Variants in ABCA7 observed in about 807,000 individuals in gnomAD.
The protein encoded by ABCA7 is phospholipid-transporting ATPase ABCA7.
In ABCA7, 261 loss-of-function variants were observed where a neutral mutation model predicts 227.6. The observed-to-expected ratio is 1.15, with a 90% CI of 1.04 to 1.27. The LOEUF (loss-of-function observed/expected upper bound fraction) is 1.27. Ranked by LOEUF, ABCA7 falls within the 50% of genes most tolerant of loss-of-function variation. The pLI is 0.00. For synonymous variants in ABCA7, 1,488 were observed against 1,279.7 expected, an observed-to-expected ratio of 1.16 and a Z score of -3.47; for missense variants, 3,331 against 2,924.5, an observed-to-expected ratio of 1.14 and a Z score of -3.21.
rs2144671149 is a variant in ABCA7 at position 1,041,841 on chromosome 19, A to G, written c.171A>G (p.Pro57=). 1 of 1,604,728 alleles carries G rather than the reference A, an allele frequency of 6.2e-7. No individual in the cohort carries two copies. Among genetic ancestry groups the G allele is most frequent in the African/African-American group, 1.3e-5 (1 of 75,052 alleles). Residue 57 remains proline (P), a synonymous_variant, in exon 4 of 47, where the codon CCA becomes CCG. Coordinates refer to ENST00000263094, the MANE Select transcript of ABCA7 (RefSeq NM_019112.4). ...PPLEHHECHF[P]NKPLPSAGTV... ...GGCGTCTCCCCGCAGGCCACTTCCC[A>G]AACAAGCCACTGCCATCGGCGGGCA... is the stretch of plus-strand genomic sequence containing the variant.
rs1377281532 is a variant in ABCA7 at position 1,049,381 on chromosome 19, C to T, written c.2496C>T (p.Tyr832=). 3.1e-6 allele frequency: 5 copies of T among 1,611,306 alleles called. No individual in the cohort carries two copies. The highest frequency in any genetic ancestry group is 2.5e-6 in the Non-Finnish European group (3 of 1,179,052). ...PALRGLSLDF[Y]QGHITAFLGH... The stretch of plus-strand genomic sequence containing the variant: ...TGCGGGGGCTCAGCCTGGACTTCTA[C>T]CAGGGCCACATCACCGCCTTCCTGG... Residue 832 remains tyrosine (Y), a synonymous_variant, in exon 18 of 47, where the codon TAC becomes TAT. Transcript: ENST00000263094.
rs1174118911 is a variant in ABCA7, at chr19:1,043,200, A to T, written c.739A>T (p.Met247Leu). 5.0e-6 allele frequency: 8 copies of T among 1,609,114 alleles called. No individual in the cohort carries two copies. The highest frequency in any genetic ancestry group is 1.3e-5 in the African/African-American group (1 of 75,010). Residue 247 changes from methionine to leucine, a missense_variant, in exon 8 of 47, where the codon ATG becomes TTG. Physicochemically the swap from Met to Leu is conservative, Grantham distance 15. Coordinates refer to ENST00000263094, the MANE Select transcript of ABCA7 (RefSeq NM_019112.4). Reference protein sequence around the residue: ...SLNWYEASDLMELVGQEPESA... With the variant: ...SLNWYEASDLLELVGQEPESA... ...CAACTGGTACGAGGCTAGTGACCTG[A>T]TGGAGCTGGTGGGGCAGGAGCCAGA...
rs2042826158 is a variant in ABCA7 at position 1,063,536 on chromosome 19, C to T, written c.5713-8C>T. 3.1e-6 allele frequency: 5 copies of T among 1,609,726 alleles called. No individual in the cohort carries two copies. Among genetic ancestry groups the T allele is most frequent in the Admixed American group, 3.3e-5 (2 of 59,970 alleles). ...AGTCCCCATGCCTACTCTGGCCCCA[C>T]CCCACAGACCGCTGGCTCGGGCCTG... On this transcript the variant is annotated splice_polypyrimidine_tract_variant and splice_region_variant and intron_variant, in intron 42 of 46. Transcript: ENST00000263094.
chr19:1,065,429 T>C lies in ABCA7; in HGVS notation c.*4T>C. On this transcript the variant is annotated 3_prime_UTR_variant, in exon 47 of 47. Transcript: ENST00000263094. ...CACTGCCGAGACTGTGCTCTGAGCC[T>C]CCCTCCCCTGCGGGGCCGCGGGGAG... The C allele has an allele frequency of 1.9e-6, 3 of 1,612,674 alleles. No homozygotes were observed. The highest frequency in any genetic ancestry group is 2.5e-6 in the Non-Finnish European group (3 of 1,179,660).
intron 35 of ABCA7, among the ~76,000 whole-genome samples, chr19:1,057,644 C>T (rs1032129728): frequency 3.9e-5 from 6 of 152,032 alleles, no homozygotes; most frequent in Admixed American, 1.3e-4. Context: ...GCAGCCCATG[C>T]CTGTAATTCC....
At chr19:1,044,936 G>C in intron 11 of ABCA7, 66 bp from the exon 12 acceptor site, 2 of 1,570,020 alleles carry the variant, frequency 1.3e-6, no homozygotes, top group South Asian at 1.1e-5. Context: ...GGTCCAGGGG[G>C]AGGAGCGGAG....
Position 1,056,095 on chromosome 19 carries a change from AC to A in ABCA7, c.4271del (p.Pro1424GlnfsTer20). 2 of 1,603,046 alleles carry A rather than the reference AC, an allele frequency of 1.2e-6. No homozygotes were observed. The highest frequency in any genetic ancestry group is 1.1e-5 in the South Asian group (1 of 90,270). On this transcript the variant is annotated frameshift_variant, in exon 32 of 47. Coordinates refer to ENST00000263094, the MANE Select transcript of ABCA7 (RefSeq NM_019112.4). LOFTEE classifies it high-confidence loss of function. The surrounding 1 kb of genome is among the most constrained non-coding windows in gnomAD (Gnocchi z 4.3). The part of the protein sequence containing the change: ...RYGGFSLGGR[D>X]PGLPSGQELG... ...GGAGGCTTCTCGCTGGGGGGCCGAG[AC>A]CCAGGCCTGCCCTCGGGCCAAGAGT... is the stretch of plus-strand genomic sequence containing the variant.
In ABCA7 at chr19:1,054,022, G is replaced by A. The variant is rs763573693; in HGVS notation, c.3489G>A (p.Gln1163=). The A allele has an allele frequency of 1.5e-5, 24 of 1,613,300 alleles. No homozygotes were observed. The Admixed American group carries it at 3.8e-4, about 26-fold the overall frequency. ...DTDMEDGSCG[Q]HLCTGIAGLD... is the part of the protein sequence containing the mutation. ...GCCCTGCAGATGGCAGCTGCGGGCA[G>A]CACCTATGCACAGGCATTGCTGGCC... Residue 1163 remains glutamine, a synonymous_variant, in exon 26 of 47, where the codon CAG becomes CAA. Transcript: ENST00000263094. The surrounding 1 kb of genome is among the most constrained non-coding windows in gnomAD (Gnocchi z 4.8).
At chr19:1,062,422 T>C in intron 42 of ABCA7, 109 bp downstream of exon 42, 1 of 1,502,126 alleles carries the variant, frequency 6.7e-7, no homozygotes, top group Non-Finnish European at 8.9e-7. Flanking sequence ...GCTCCATCCC[T>C]GTCCCTGCCC....
Position 1,057,341 on chromosome 19 carries a change from G to A in ABCA7, c.4792G>A (p.Val1598Met), listed in dbSNP as rs748081008. The A allele has an allele frequency of 5.5e-5, 88 of 1,613,804 alleles. No homozygotes were observed. The highest frequency in any genetic ancestry group is 3.3e-4 in the Middle Eastern group (2 of 6,082). ...MCNYLVPACI[V>M]VLIFLAFQQR... ...TAACTACTTGGTGCCAGCATGCATC[G>A]TGGTGCTCATCTTTCTGGCCTTCCA... Residue 1598 changes from valine to methionine, a missense_variant, in exon 35 of 47, where the codon GTG becomes ATG. Transcript: ENST00000263094.
At position 1,056,332 on chromosome 19, in the gene ABCA7, C is replaced by G; in HGVS notation, c.4419C>G (p.Ile1473Met). ...CTATGACCTTGACCCCCACCCAGATCTGGTTCAACAACAAAGGCTGGCACT... is the reference window on the plus strand; with the variant it reads ...CTATGACCTTGACCCCCACCCAGATGTGGTTCAACAACAAAGGCTGGCACT... Reference protein sequence around the residue: ...HSLDAQDSLKIWFNNKGWHSM... With the variant: ...HSLDAQDSLKMWFNNKGWHSM... The change falls in exon 33 of 47, where the codon ATC becomes ATG. Residue 1473 changes from isoleucine to methionine, a missense_variant and splice_region_variant. Coordinates refer to ENST00000263094, the MANE Select transcript of ABCA7 (RefSeq NM_019112.4). The surrounding 1 kb of genome is among the most constrained non-coding windows in gnomAD (Gnocchi z 4.3). 1 of 1,613,174 alleles carries G rather than the reference C, an allele frequency of 6.2e-7. No homozygotes were observed. Among genetic ancestry groups the G allele is most frequent in the Non-Finnish European group, 8.5e-7 (1 of 1,179,868 alleles).
At chr19:1,045,896 A>G (rs1431867152) in intron 12 of ABCA7, among the ~76,000 whole-genome samples, 1 of 151,656 alleles carries the variant, frequency 6.6e-6, no homozygotes. Context: ...AGGCCCAGCT[A>G]CCCAGGAGGC....
intron 1 of ABCA7, among the ~76,000 whole-genome samples, chr19:1,040,640 A>G (rs2039937230): frequency 6.6e-6 from 1 of 152,096 alleles, no homozygotes; most frequent in Non-Finnish European, 1.5e-5. Flanking sequence ...AGGAAAATAG[A>G]TCAGGAATCG....
chr19:1,053,255 C>G, intron 23 of ABCA7, 74 bp from the exon 24 acceptor site: 1 of 1,469,804 alleles, frequency 6.8e-7, no homozygotes, highest in Non-Finnish European at 9.2e-7. Flanking sequence ...CACAGGTCAC[C>G]AATGCCTCTT....
chr19:1,050,845 G>T (rs2041545276), intron 18 of ABCA7, 76 bp from the exon 19 acceptor site: 3 of 1,201,706 alleles, frequency 2.5e-6, no homozygotes, highest in South Asian at 3.4e-5. Context: ...TTTAAAAACA[G>T]AAATTAAAAA....
rs759608719 is a variant in ABCA7, at chr19:1,055,299, C to A, written c.4153C>A (p.Arg1385=). ...SGEVVQNLTG[R]NLSDFLVKTY... ...GGAAGTGGTTCAGAACCTGACAGGC[C>A]GGAACCTGTCTGACTTCCTGGTCAA... Residue 1385 remains arginine, a synonymous_variant, in exon 30 of 47, where the codon CGG becomes AGG. Coordinates refer to ENST00000263094, the MANE Select transcript of ABCA7 (RefSeq NM_019112.4). 2.5e-6 allele frequency: 4 copies of A among 1,604,280 alleles called. No individual in the cohort carries two copies. Among genetic ancestry groups the A allele is most frequent in the Non-Finnish European group, 3.4e-6 (4 of 1,176,908 alleles).
chr19:1,040,861 C>T (rs140010656), intron 1 of ABCA7, among the ~76,000 whole-genome samples: 11 of 152,270 alleles, frequency 7.2e-5, no homozygotes, highest in African/African-American at 2.4e-4. Context: ...CAGCACTTCC[C>T]CTGGGCGTGT....
chr19:1,058,992 T>G, intron 39 of ABCA7, 31 bp from the exon 40 acceptor site: 1 of 1,613,668 alleles, frequency 6.2e-7, no homozygotes, highest in Non-Finnish European at 8.5e-7. Context: ...ACTGGCCCAC[T>G]CACCTTTCTG....
At chr19:1,046,207 C>A (rs1404333950) in intron 12 of ABCA7, 23 bp from the exon 13 acceptor site, 2 of 1,602,378 alleles carry the variant, frequency 1.2e-6, no homozygotes. Context: ...TCCCTACAAC[C>A]GGCCACCATG....
Sources: gnomAD v4.1 joint callset for allele counts (sites outside exome capture counted in the v4.1 genomes callset) on GRCh38, gnomAD v4.1.1 for gene constraint, Gnocchi (gnomAD v3.1) non-coding constraint, MANE v1.5 for transcripts, NCBI Gene and HGNC (gene_info 2026-07-23, HGNC 2026-07-21) for gene names.